The following AGRN variants were observed in gnomAD, a reference collection of about 807,000 sequenced individuals.
The protein encoded by AGRN is agrin.
In AGRN, 106 loss-of-function variants were observed where a neutral mutation model predicts 211.0. The ratio of observed to expected loss-of-function variants is 0.50; its 90% CI spans 0.43 to 0.59. The LOEUF is 0.59. AGRN is among the 20% of genes least tolerant of loss of function. The pLI, the probability that AGRN is intolerant of heterozygous loss-of-function variation, is 0.00. For synonymous variants in AGRN, 1,525 were observed against 1,332.5 expected, an observed-to-expected ratio of 1.14 and a Z score of -3.15; for missense variants, 3,040 against 2,982.6, an observed-to-expected ratio of 1.02 and a Z score of -0.45.
At chr1:1,024,970 G>A (rs951097662) in intron 2 of AGRN, among the ~76,000 whole-genome samples, 2 of 152,078 alleles carry the variant, frequency 1.3e-5, no homozygotes, top group Non-Finnish European at 2.9e-5. Context: ...GCGGCTGAGC[G>A]GGCGACTCCT....
intron 2 of AGRN, among the ~76,000 whole-genome samples, chr1:1,028,322 C>T (rs28741055): frequency 9.7e-5 from 2 of 20,580 alleles, no homozygotes; most frequent in Admixed American, 6.3e-4. Context: ...GGGGAAACGC[C>T]CCCCCCCCCC....
In AGRN at chr1:1,055,235, C is replaced by T. The variant is rs1452440059; in HGVS notation, c.*254C>T. 3.5e-6 allele frequency: 2 copies of T among 574,846 alleles called. No individual in the cohort carries two copies. 35.6% of individuals were successfully genotyped at this position (574,846 alleles called of 1,614,324 possible). A position where few individuals can be genotyped will look rare whatever the true frequency, so the allele number is the denominator to read the frequency against. ...CTCAAGGTGCTGAGCCCCCGCCTTGCACTGCGCCTGCCCCACGGTGTCCCC... is the reference window on the plus strand; with the variant it reads ...CTCAAGGTGCTGAGCCCCCGCCTTGTACTGCGCCTGCCCCACGGTGTCCCC... On this transcript the variant is annotated 3_prime_UTR_variant, in exon 36 of 36. Transcript: ENST00000379370.
rs780662645 is a variant in AGRN, at chr1:1,049,196, G to T, written c.4299-40G>T. 10 of 1,500,958 alleles carry T rather than the reference G, an allele frequency of 6.7e-6. No individual in the cohort carries two copies. The South Asian group carries it at 1.3e-4, about 19-fold the overall frequency. The allele number at this position is 1,500,958 out of a possible 1,614,324, so 93.0% of individuals were successfully genotyped here. ...AGCTCAGGTAGGCGGGGTGGGGACG[G>T]GGCCGGGCGATGGTCCTGAGCACCT... On this transcript the variant is annotated intron_variant, in intron 24 of 35. Transcript: ENST00000379370.
chr1:1,045,633 T>A, intron 14 of AGRN, 100 bp from the exon 15 acceptor site: 1 of 1,607,070 alleles, frequency 6.2e-7, no homozygotes, highest in Non-Finnish European at 8.5e-7. Context: ...CACACCTGGC[T>A]GGGGGCTGGG....
At chr1:1,034,940 G>A in intron 2 of AGRN, 1 of 448,316 alleles carries the variant, frequency 2.2e-6, no homozygotes, top group East Asian at 3.8e-5. Context: ...AGGGGCAGCC[G>A]GCTACACTGA....
At chr1:1,047,987 C>A (rs368527967) in intron 22 of AGRN, 25 bp from the exon 23 acceptor site, 21 of 1,570,738 alleles carry the variant, frequency 1.3e-5, no homozygotes, top group Non-Finnish European at 1.6e-5. Flanking sequence ...TCCCAGGAAA[C>A]CCTAACAGCT....
At position 1,048,537 on chromosome 1, in the gene AGRN, G is replaced by A. The variant is rs1570235323; in HGVS notation, c.4105+172G>A. The stretch of plus-strand genomic sequence containing the variant: ...TGTAATCCCAGCACTTTGGGAGGCC[G>A]AGGCAGGCGGATCACCTGAGGTCGG... On this transcript the variant is annotated intron_variant, in intron 23 of 35. Transcript: ENST00000379370. This position sits in a 1 kb window ranked among gnomAD's most constrained non-coding sequence, Gnocchi z 5.9. The A allele has an allele frequency of 3.2e-6, 2 of 627,302 alleles. No individual in the cohort carries two copies. Among genetic ancestry groups the A allele is most frequent in the East Asian group, 2.9e-5 (1 of 34,696 alleles). 38.9% of individuals were successfully genotyped at this position (627,302 alleles called of 1,614,324 possible).
intron 2 of AGRN, among the ~76,000 whole-genome samples, chr1:1,025,989 G>A (rs988030509): frequency 1.3e-5 from 2 of 152,156 alleles, no homozygotes; most frequent in South Asian, 2.1e-4. Context: ...TGGCCTGGGG[G>A]GGGGCTTTGC....
intron 12 of AGRN, 73 bp from the exon 13 acceptor site, chr1:1,045,088 G>A: frequency 6.6e-7 from 1 of 1,506,948 alleles, no homozygotes; most frequent in South Asian, 1.1e-5. Context: ...GGGGTAGGTG[G>A]AGGCAGACTG....
intron 33 of AGRN, chr1:1,052,296 G>A (rs1254080227): frequency 5.7e-6 from 2 of 351,946 alleles, no homozygotes; most frequent in Non-Finnish European, 1.1e-5. Context: ...GCACTTCCGC[G>A]TGTGTGAACA....
rs1644661882 is a variant in AGRN, at chr1:1,031,043, T to TGAG, written c.464-4234_464-4233insGAG. 8.2e-6 allele frequency among the ~76,000 whole-genome samples: 1 copy of TGAG among 121,432 alleles called. No individual in the cohort carries two copies. Among genetic ancestry groups the TGAG allele is most frequent in the Admixed American group, 8.3e-5 (1 of 12,018 alleles). 79.7% of individuals were successfully genotyped at this position (121,432 alleles called of 152,430 possible). On this transcript the variant is annotated intron_variant, in intron 2 of 35. Coordinates refer to ENST00000379370, the MANE Select transcript of AGRN (RefSeq NM_198576.4). This position sits in a 1 kb window ranked among gnomAD's most constrained non-coding sequence, Gnocchi z 4.8. ...TGTGCAGTGCATGGTGCTGTGAGTG[T>TGAG]ATCAGCATGTGTGTGTGTGCAGTGC...
intron 2 of AGRN, among the ~76,000 whole-genome samples, chr1:1,027,985 G>A (rs1407925437): frequency 6.6e-6 from 1 of 152,184 alleles, no homozygotes; most frequent in African/African-American, 2.4e-5. Flanking sequence ...GCAGCTGGTG[G>A]GGAGGGGCTG....
intron 3 of AGRN, among the ~76,000 whole-genome samples, chr1:1,038,544 C>G (rs925839259): frequency 6.6e-6 from 1 of 152,232 alleles, no homozygotes; most frequent in African/African-American, 2.4e-5. Context: ...GAGGGAGCTG[C>G]GGGTCCTGGT....
chr1:1,047,828 G>T lies in AGRN; in HGVS notation c.3684G>T (p.Gln1228His). The T allele has an allele frequency of 1.2e-6, 2 of 1,604,502 alleles. No individual in the cohort carries two copies. Among genetic ancestry groups the T allele is most frequent in the Non-Finnish European group, 1.7e-6 (2 of 1,176,160 alleles). ...DVARALLRQIQVSRRRSLGVR... is the reference protein window; with the variant it reads ...DVARALLRQIHVSRRRSLGVR... ...CCCGGGCCCTGCTCCGGCAGATCCA[G>T]GTGTCCAGGCGCCGGTCCTTGGGGG... The change falls in exon 22 of 36, where the codon CAG becomes CAT. Residue 1228 changes from glutamine to histidine, a missense_variant. Gln to His is a conservative substitution (Grantham distance 24). Coordinates refer to ENST00000379370, the MANE Select transcript of AGRN (RefSeq NM_198576.4).
rs768351523 is a variant in AGRN at position 1,041,563 on chromosome 1, C to A, written c.1038C>A (p.Pro346=). 2 of 1,609,494 alleles carry A rather than the reference C, an allele frequency of 1.2e-6. No individual in the cohort carries two copies. The highest frequency in any genetic ancestry group is 3.3e-5 in the Admixed American group (2 of 59,956). The part of the protein sequence containing the change: ...RTRRPEMLLR[P]ESCPARQAPV... ...GGCGCCCTGAGATGCTCCTACGGCC[C>A]GAGAGCTGCCCTGCCCGGCAGGCGC... The change falls in exon 6 of 36, where the codon CCC becomes CCA. Residue 346 remains proline (P), a synonymous_variant. Transcript: ENST00000379370.
intron 25 of AGRN, 26 bp downstream of exon 25, chr1:1,049,477 C>A: frequency 6.3e-7 from 1 of 1,599,904 alleles, no homozygotes; most frequent in Non-Finnish European, 8.5e-7. Context: ...GGTGGTGTGG[C>A]CCCGACCCCG....
At position 1,047,103 on chromosome 1, in the gene AGRN, G is replaced by A. The variant is rs750585392; in HGVS notation, c.3388+146G>A. 2.6e-4 allele frequency: 362 copies of A among 1,410,210 alleles called. 2 individuals are homozygous for A. The highest frequency in any genetic ancestry group is 3.3e-4 in the Non-Finnish European group (351 of 1,052,182). 87.4% of individuals were successfully genotyped at this position (1,410,210 alleles called of 1,614,324 possible). On this transcript the variant is annotated intron_variant, in intron 19 of 35. Coordinates refer to ENST00000379370, the MANE Select transcript of AGRN (RefSeq NM_198576.4). ...AACATGTGCGTGCCGGGGACCCCACGCCTAACCCGTCTCTCTCGTTGCAAG... is the reference window on the plus strand; with the variant it reads ...AACATGTGCGTGCCGGGGACCCCACACCTAACCCGTCTCTCTCGTTGCAAG...
chr1:1,025,579 C>T (rs548148264), intron 2 of AGRN, among the ~76,000 whole-genome samples: 1 of 152,230 alleles, frequency 6.6e-6, no homozygotes, highest in East Asian at 1.9e-4. Context: ...GCCACCCTCT[C>T]CTGCCCCCTC....
At position 1,043,266 on chromosome 1, in the gene AGRN, T is replaced by C; in HGVS notation, c.1412T>C (p.Val471Ala). ...CAGGCCCCGTCCCCATGCCTCGGGG[T>C]GCAGTGTGCATTTGGGGCGACGTGT... ...CDQAPSPCLG[V>A]QCAFGATCAV... Residue 471 changes from valine to alanine, a missense_variant, in exon 8 of 36, where the codon GTG becomes GCG. This residue lies in a region of AGRN where 1,498 missense variants were observed against 1,457.8 expected (regional missense o/e 1.03). Coordinates refer to ENST00000379370, the MANE Select transcript of AGRN (RefSeq NM_198576.4). 1.2e-6 allele frequency: 2 copies of C among 1,610,402 alleles called. No individual in the cohort carries two copies. Among genetic ancestry groups the C allele is most frequent in the Non-Finnish European group, 1.7e-6 (2 of 1,179,076 alleles).
Sources: gnomAD v4.1 joint callset for allele counts (sites outside exome capture counted in the v4.1 genomes callset) on GRCh38, gnomAD v4.1.1 for gene constraint, gnomAD v4.1.1 regional missense constraint, Gnocchi (gnomAD v3.1) non-coding constraint, MANE v1.5 for transcripts, NCBI Gene and HGNC (gene_info 2026-07-23, HGNC 2026-07-21) for gene names.